The following STARD6 variants were observed in gnomAD, a reference collection of about 807,000 sequenced individuals.
STARD6 encodes the protein stAR-related lipid transfer protein 6.
A neutral mutation model predicts 22.3 loss-of-function variants in STARD6; 21 were observed. The observed-to-expected ratio is 0.94, with a 90% confidence interval of 0.67 to 1.35. STARD6 has a LOEUF of 1.35. Ranked by LOEUF, STARD6 falls within the 40% of genes most tolerant of loss-of-function variation. The pLI is 0.00. For synonymous variants in STARD6, 80 were observed against 88.1 expected (o/e 0.91, Z 0.52); for missense variants, 269 against 266.9 (o/e 1.01, Z -0.05).
At chr18:54,350,305 C>T (rs1210815214) in intron 4 of STARD6, among the ~76,000 whole-genome samples, 3 of 152,010 alleles carry the variant, frequency 2.0e-5, no homozygotes, top group Non-Finnish European at 4.4e-5. Flanking sequence ...CTACGCATGT[C>T]CTTTGCCTAC....
chr18:54,348,500 A>G (rs562624509), intron 4 of STARD6, among the ~76,000 whole-genome samples: 182 of 152,256 alleles, frequency 1.2e-3, no homozygotes, highest in African/African-American at 4.2e-3. Flanking sequence ...CTTTGAGGTA[A>G]AGTCTTGGTG....
chr18:54,357,582 C>CATTATTTCAATAAGGTA (rs2089165910), intron 1 of STARD6, among the ~76,000 whole-genome samples: 1 of 152,138 alleles, frequency 6.6e-6, no homozygotes, highest in African/African-American at 2.4e-5. Flanking sequence ...TCTCAGCGAC[C>CATTATTTCAATAAGGTA]GGAACGACAG....
Position 54,354,597 on chromosome 18 carries a change from A to C in STARD6, c.-4-20T>G. ...ATCTATCTGCAAGTTTTAAAAACAA[A>C]CAACTGGTAAGAATATAACCATATA... On this transcript the variant is annotated intron_variant, in intron 2 of 7. Coordinates refer to ENST00000307844, the MANE Select transcript of STARD6 (RefSeq NM_139171.2). 1 of 1,560,408 alleles carries C rather than the reference A, an allele frequency of 6.4e-7. No homozygotes were observed.
chr18:54,355,174 G>C (rs1449972658), intron 2 of STARD6, among the ~76,000 whole-genome samples: 1 of 151,938 alleles, frequency 6.6e-6, no homozygotes, highest in Non-Finnish European at 1.5e-5. Flanking sequence ...TGATCTCCTG[G>C]CTGTTCCTCA....
At chr18:54,351,070 G>T (rs2089091780) in intron 4 of STARD6, among the ~76,000 whole-genome samples, 2 of 152,116 alleles carry the variant, frequency 1.3e-5, no homozygotes, top group Admixed American at 1.3e-4. Context: ...GATTGTTTTG[G>T]CAGTAGGGTC....
At chr18:54,347,638 T>C (rs2089049538) in intron 4 of STARD6, among the ~76,000 whole-genome samples, 1 of 152,132 alleles carries the variant, frequency 6.6e-6, no homozygotes, top group Admixed American at 6.5e-5. Context: ...TGAATTATTT[T>C]TGTAGTTAAG....
intron 4 of STARD6, among the ~76,000 whole-genome samples, chr18:54,340,356 T>C (rs1380356341): frequency 1.3e-5 from 2 of 152,064 alleles, no homozygotes; most frequent in Admixed American, 6.5e-5. Flanking sequence ...TTCTGATGAA[T>C]TAAAATATAT....
At chr18:54,347,762 C>G (rs1767104544) in intron 4 of STARD6, among the ~76,000 whole-genome samples, 2 of 152,032 alleles carry the variant, frequency 1.3e-5, no homozygotes, top group African/African-American at 4.8e-5. Flanking sequence ...AGGATGAATC[C>G]TGAGCTGTTA....
intron 7 of STARD6, among the ~76,000 whole-genome samples, chr18:54,327,093 G>A (rs1228206549): frequency 6.6e-6 from 1 of 152,046 alleles, no homozygotes. Flanking sequence ...TACTTTATGG[G>A]GTTACTTTGA....
intron 4 of STARD6, among the ~76,000 whole-genome samples, chr18:54,340,972 C>T (rs1163590381): frequency 1.3e-5 from 2 of 152,098 alleles, no homozygotes; most frequent in African/African-American, 2.4e-5. Context: ...AATGATAGAG[C>T]CCCAAATACA....
At chr18:54,338,471 A>T (rs904352518) in intron 4 of STARD6, among the ~76,000 whole-genome samples, 16 of 152,286 alleles carry the variant, frequency 1.1e-4, no homozygotes, top group South Asian at 2.1e-4. Flanking sequence ...CAGAGCAGAG[A>T]TATCAGAGGC....
intron 5 of STARD6, among the ~76,000 whole-genome samples, 183 bp from the exon 6 acceptor site, chr18:54,332,042 G>A (rs932353434): frequency 3.3e-5 from 5 of 152,048 alleles, no homozygotes; most frequent in Non-Finnish European, 7.4e-5. Flanking sequence ...TTAAATCTAC[G>A]AGTGTAGAAA....
chr18:54,333,964 TTAAA>T (rs1392401663), intron 5 of STARD6, among the ~76,000 whole-genome samples: 2 of 149,970 alleles, frequency 1.3e-5, no homozygotes, highest in African/African-American at 5.1e-5. Flanking sequence ...CTCATCTCTT[TTAAA>T]TAAAGTTATT....
chr18:54,350,167 T>C (rs921322061), intron 4 of STARD6, among the ~76,000 whole-genome samples: 3 of 152,108 alleles, frequency 2.0e-5, no homozygotes, highest in Non-Finnish European at 4.4e-5. Context: ...ATTTTTAAAT[T>C]ATGGCCATTC....
At chr18:54,337,682 A>C (rs1352700754) in intron 4 of STARD6, among the ~76,000 whole-genome samples, 1 of 152,196 alleles carries the variant, frequency 6.6e-6, no homozygotes, top group Non-Finnish European at 1.5e-5. Context: ...CAAGAGACCA[A>C]ATGAGTTGCA....
chr18:54,337,687 G>A (rs925536494), intron 4 of STARD6, among the ~76,000 whole-genome samples: 1 of 152,174 alleles, frequency 6.6e-6, no homozygotes, highest in African/African-American at 2.4e-5. Flanking sequence ...GACCAAATGA[G>A]TTGCAAAGCC....
At chr18:54,356,009 TAGTTG>T (rs1255145715) in intron 2 of STARD6, among the ~76,000 whole-genome samples, 5 of 152,304 alleles carry the variant, frequency 3.3e-5, no homozygotes, top group African/African-American at 7.2e-5. Flanking sequence ...TTATAAGGAT[TAGTTG>T]AGTTAATATA....
At chr18:54,327,240 T>C (rs915682911) in intron 7 of STARD6, among the ~76,000 whole-genome samples, 2 of 152,194 alleles carry the variant, frequency 1.3e-5, no homozygotes, top group African/African-American at 4.8e-5. Flanking sequence ...TATACAAACA[T>C]TTTTAATTTT....
Position 54,330,698 on chromosome 18 carries a change from C to T in STARD6, c.385+1044G>A, listed in dbSNP as rs536461923. 1.4e-3 allele frequency among the ~76,000 whole-genome samples: 216 copies of T among 152,188 alleles called. 1 individual carries two copies. The highest frequency in any genetic ancestry group is 4.9e-3 in the African/African-American group (203 of 41,560). ...AAATTGAGTAGTGATTTGTGCACCA[C>T]GTGGTTGATTACCTCTAGTTGTTGA... On this transcript the variant is annotated intron_variant, in intron 6 of 7. Transcript: ENST00000307844.
Sources: allele counts gnomAD v4.1 joint callset (sites outside exome capture counted in the v4.1 genomes callset), GRCh38; gene constraint gnomAD v4.1.1; transcripts MANE v1.5; gene names NCBI Gene and HGNC (gene_info 2026-07-23, HGNC 2026-07-21).